The following ANKS1B variants were observed in gnomAD, a reference collection of about 807,000 sequenced individuals.
ANKS1B encodes ankyrin repeat and sterile alpha motif domain containing 1B.
A neutral mutation model predicts 148.3 loss-of-function variants in ANKS1B; 36 were observed. That is an observed-to-expected ratio of 0.24 (90% confidence interval 0.19 to 0.32). The LOEUF (loss-of-function observed/expected upper bound fraction) is 0.32, where lower values mean the gene tolerates loss of function less well. ANKS1B is among the 10% of genes least tolerant of loss of function. The pLI is 1.00. For synonymous variants in ANKS1B, 542 were observed against 560.8 expected, an observed-to-expected ratio of 0.97 and a Z score of 0.47; for missense variants, 1,157 against 1,542.6, an observed-to-expected ratio of 0.75 and a Z score of 4.19.
At chr12:99,870,630 T>C (rs1328161140) in intron 1 of ANKS1B, among the ~76,000 whole-genome samples, 1 of 152,152 alleles carries the variant, frequency 6.6e-6, no homozygotes, top group Admixed American at 6.6e-5. Flanking sequence ...TTCTGAGAGA[T>C]GGTACTCATT....
At chr12:99,979,502 A>C (rs2095667503) in intron 1 of ANKS1B, among the ~76,000 whole-genome samples, 1 of 152,130 alleles carries the variant, frequency 6.6e-6, no homozygotes, top group Non-Finnish European at 1.5e-5. Context: ...AGAAGGGATA[A>C]ACAAATAACT....
At chr12:99,045,239 C>G (rs1388377994) in intron 17 of ANKS1B, among the ~76,000 whole-genome samples, 2 of 151,674 alleles carry the variant, frequency 1.3e-5, no homozygotes, top group African/African-American at 4.9e-5. Context: ...CAGTAGATAC[C>G]CTCAGGTTCT....
At chr12:99,714,446 G>C (rs12817385) in intron 8 of ANKS1B, among the ~76,000 whole-genome samples, 32,678 of 152,092 alleles carry the variant, frequency 0.21, 3,698 homozygotes, top group Middle Eastern at 0.25. Context: ...ACCCTGCATG[G>C]AGCAAGCCTA....
At chr12:98,740,717 T>G (rs1349769593), downstream of ANKS1B, among the ~76,000 whole-genome samples, 1 of 152,228 alleles carries the variant, frequency 6.6e-6, no homozygotes, top group Non-Finnish European at 1.5e-5. Flanking sequence ...TGTTGGGGGC[T>G]GCAGTGTGCT....
At chr12:99,275,984 G>C (rs902626688) in intron 12 of ANKS1B, among the ~76,000 whole-genome samples, 10 of 152,172 alleles carry the variant, frequency 6.6e-5, no homozygotes, top group African/African-American at 2.4e-4. Flanking sequence ...ACTTGATGAT[G>C]CTTCCCTGAG....
chr12:99,519,746 G>A (rs1359817845), intron 9 of ANKS1B, among the ~76,000 whole-genome samples: 1 of 151,730 alleles, frequency 6.6e-6, no homozygotes, highest in Non-Finnish European at 1.5e-5. Context: ...CTTTCCTTCT[G>A]TCTTTTCTCC....
chr12:99,089,347 C>T (rs2053244517), intron 15 of ANKS1B, among the ~76,000 whole-genome samples: 1 of 152,058 alleles, frequency 6.6e-6, no homozygotes, highest in African/African-American at 2.4e-5. Context: ...TAAGCTGTTC[C>T]CCCCCATCAA....
At position 99,147,563 on chromosome 12, in the gene ANKS1B, T is replaced by C. The variant is rs117679513; in HGVS notation, c.2526+6726A>G. Among the ~76,000 whole-genome samples the C allele has an allele frequency of 2.1e-3, 313 of 152,292 alleles. 2 individuals carry two copies. Among genetic ancestry groups the C allele is most frequent in the Non-Finnish European group, 3.6e-3 (243 of 68,010 alleles). Reference sequence around the variant, plus strand: ...CAAATGTGTGCTCTAGAAAGATCACTCTGGCTGTAGGATAGTTAACATTTA... The same window carrying C: ...CAAATGTGTGCTCTAGAAAGATCACCCTGGCTGTAGGATAGTTAACATTTA... On this transcript the variant is annotated intron_variant, in intron 15 of 26. Transcript: ENST00000683438.
chr12:99,078,882 T>C (rs1189348541), intron 16 of ANKS1B, among the ~76,000 whole-genome samples: 1 of 152,142 alleles, frequency 6.6e-6, no homozygotes, highest in Non-Finnish European at 1.5e-5. Flanking sequence ...ATGTCACTTG[T>C]GTGATTAGGT....
chr12:99,395,143 T>C (rs2094203364), intron 12 of ANKS1B, among the ~76,000 whole-genome samples: 1 of 152,164 alleles, frequency 6.6e-6, no homozygotes, highest in Non-Finnish European at 1.5e-5. Context: ...CTGCTTTCCC[T>C]CTCTTACTGC....
At chr12:99,867,375 T>C (rs1318594940) in intron 1 of ANKS1B, among the ~76,000 whole-genome samples, 1 of 152,120 alleles carries the variant, frequency 6.6e-6, no homozygotes, top group Non-Finnish European at 1.5e-5. Flanking sequence ...ACCAATTATA[T>C]CAGTCTATTT....
intron 10 of ANKS1B, among the ~76,000 whole-genome samples, chr12:99,490,254 T>C (rs2096542708): frequency 6.6e-6 from 1 of 152,212 alleles, no homozygotes; most frequent in African/African-American, 2.4e-5. Flanking sequence ...TTCTGAACAG[T>C]AAAAGGAAAC....
At chr12:99,487,028 T>C (rs2096498762) in intron 10 of ANKS1B, among the ~76,000 whole-genome samples, 1 of 152,152 alleles carries the variant, frequency 6.6e-6, no homozygotes, top group Non-Finnish European at 1.5e-5. Context: ...GCCTATCAAA[T>C]GCACCAGGGC....
At chr12:99,597,066 T>C (rs1162390371) in intron 9 of ANKS1B, among the ~76,000 whole-genome samples, 2 of 151,988 alleles carry the variant, frequency 1.3e-5, no homozygotes, top group Non-Finnish European at 2.9e-5. Flanking sequence ...CATAAAATTC[T>C]AGTTTCTCCA....
At chr12:99,612,236 T>C (rs769918880) in intron 9 of ANKS1B, among the ~76,000 whole-genome samples, 2 of 152,102 alleles carry the variant, frequency 1.3e-5, no homozygotes, top group African/African-American at 2.4e-5. Flanking sequence ...TGAAAGAAGA[T>C]AAAAGATTTA....
chr12:99,903,669 T>C lies in ANKS1B; in HGVS notation c.135-78280A>G, dbSNP rs144841535. On this transcript the variant is annotated intron_variant, in intron 1 of 26. Transcript: ENST00000683438. ...AACCAATGTATCCAAAATAGTATCA[T>C]GGTAATATGCACTCAATATACAAAG... 8.7e-3 allele frequency among the ~76,000 whole-genome samples: 1,317 copies of C among 152,198 alleles called. 24 individuals carry two copies. The highest frequency in any genetic ancestry group is 0.03 in the African/African-American group (1,251 of 41,496).
intron 6 of ANKS1B, 83 bp from the exon 7 acceptor site, chr12:99,775,744 C>G: frequency 1.4e-6 from 1 of 727,290 alleles, no homozygotes; most frequent in Non-Finnish European, 2.1e-6. Flanking sequence ...TTCTGGTAAT[C>G]AGTTTTTCAT....
intron 14 of ANKS1B, among the ~76,000 whole-genome samples, chr12:99,178,875 G>T (rs1001131990): frequency 9.9e-5 from 15 of 152,098 alleles, no homozygotes; most frequent in Non-Finnish European, 1.2e-4. Flanking sequence ...TAGCCCAGTT[G>T]TTGATCCAAA....
rs1303386345 is a variant in ANKS1B at position 99,772,943 on chromosome 12, C to G, written c.1107G>C (p.Gly369=). The change falls in exon 8 of 27, where the codon GGG becomes GGC. Residue 369 remains glycine, a synonymous_variant. Transcript: ENST00000683438. The stretch of plus-strand genomic sequence containing the variant: ...TTACTACACTCTGGCTTCCATTTTT[C>G]CCAAGTTCTTCCTCTGAAATCTTGC... ...NLSKISEEEL[G]KNGSQSVRTS... 1 of 1,610,226 alleles carries G rather than the reference C, an allele frequency of 6.2e-7. No homozygotes were observed. Among genetic ancestry groups the G allele is most frequent in the Admixed American group, 1.7e-5 (1 of 59,508 alleles).
Sources: gnomAD v4.1 joint callset for allele counts (sites outside exome capture counted in the v4.1 genomes callset) on GRCh38, gnomAD v4.1.1 for gene constraint, MANE v1.5 for transcripts, NCBI Gene and HGNC (gene_info 2026-07-23, HGNC 2026-07-21) for gene names.